POLI: variants seen among roughly 807,000 people sequenced by gnomAD.
POLI encodes RAD30 homolog B.
In POLI, 58 loss-of-function variants were observed where a neutral mutation model predicts 51.6. The ratio of observed to expected loss-of-function variants is 1.12; its 90% CI spans 0.91 to 1.40. The LOEUF (loss-of-function observed/expected upper bound fraction) is 1.40. Among genes scored for constraint, POLI ranks in the 40% most tolerant of loss-of-function variants. The pLI is 0.00. For missense variants in POLI, 921 were observed against 871.3 expected (o/e 1.06, Z -0.72); for synonymous variants, 322 against 299.7 (o/e 1.07, Z -0.77).
chr18:54,308,446 G>A (rs1377953680), intron 3 of POLI, among the ~76,000 whole-genome samples: 2 of 152,316 alleles, frequency 1.3e-5, no homozygotes, highest in Non-Finnish European at 1.5e-5. Context: ...TCTGCCGAGC[G>A]ATCCGCTGTT....
chr18:54,285,414 G>A (rs671120), intron 7 of POLI, among the ~76,000 whole-genome samples: 116,848 of 151,594 alleles, frequency 0.77, 45,866 homozygotes, highest in African/African-American at 0.94. Flanking sequence ...TTAACCATTT[G>A]TCTGTATCTC....
In POLI at chr18:54,295,387, T is replaced by C; in HGVS notation, c.*920T>C. On this transcript the variant is annotated 3_prime_UTR_variant, in exon 10 of 10. Coordinates refer to ENST00000579534, the MANE Select transcript of POLI (RefSeq NM_007195.3). ...TCTCCCATTGTTATTGCCTTCCTCT[T>C]TTGCCTGCTAAACTAAAAATTGGAT... is the stretch of plus-strand genomic sequence containing the variant. The C allele has an allele frequency of 1.0e-6, 1 of 982,742 alleles. No homozygotes were observed. The highest frequency in any genetic ancestry group is 1.2e-6 in the Non-Finnish European group (1 of 827,500). 60.9% of individuals were successfully genotyped at this position (982,742 alleles called of 1,614,324 possible). A position where few individuals can be genotyped will look rare whatever the true frequency, so the allele number is the denominator to read the frequency against.
rs1203391553 is a variant in POLI, at chr18:54,287,154, GT to G, written c.1068-125del. 4.5e-5 allele frequency: 26 copies of G among 572,848 alleles called. No homozygotes were observed. In the Admixed American group the frequency reaches 4.6e-4, roughly 10 times the overall value. The allele number at this position is 572,848 out of a possible 1,614,324, so 35.5% of individuals were successfully genotyped here. A position where few individuals can be genotyped will look rare whatever the true frequency, so the allele number is the denominator to read the frequency against. On this transcript the variant is annotated intron_variant, in intron 7 of 9. Coordinates refer to ENST00000579534, the MANE Select transcript of POLI (RefSeq NM_007195.3). ...AGGGACCTTTATTGCTTACTATTTTGTTATCTGCTATATGTATAATTGTCAT... is the reference window on the plus strand; with the variant it reads ...AGGGACCTTTATTGCTTACTATTTTGTATCTGCTATATGTATAATTGTCAT...
In POLI at chr18:54,280,651, T is replaced by G; in HGVS notation, c.560-16T>G. Reference sequence around the variant, plus strand: ...GTTTTTCTTGTGACTTTGAATGACATTTGTTGTTTTTAAAGCTATAAACCT... The same window carrying G: ...GTTTTTCTTGTGACTTTGAATGACAGTTGTTGTTTTTAAAGCTATAAACCT... On this transcript the variant is annotated splice_polypyrimidine_tract_variant and intron_variant, in intron 4 of 9. Transcript: ENST00000579534. 1.3e-6 allele frequency: 2 copies of G among 1,507,348 alleles called. No individual in the cohort carries two copies. Among genetic ancestry groups the G allele is most frequent in the Non-Finnish European group, 1.8e-6 (2 of 1,086,878 alleles). 93.4% of individuals were successfully genotyped at this position (1,507,348 alleles called of 1,614,324 possible).
chr18:54,306,240 A>T (rs917449729), intron 3 of POLI, among the ~76,000 whole-genome samples: 1 of 152,182 alleles, frequency 6.6e-6, no homozygotes, highest in African/African-American at 2.4e-5. Flanking sequence ...TTATTTTGAG[A>T]TACGTGCCAT....
intron 3 of POLI, among the ~76,000 whole-genome samples, chr18:54,304,225 G>A (rs1339885127): frequency 6.6e-6 from 1 of 152,154 alleles, no homozygotes; most frequent in African/African-American, 2.4e-5. Flanking sequence ...AAACATACAT[G>A]TGCGTGTGTC....
At position 54,297,398 on chromosome 18, in the gene POLI, G is replaced by A. The variant is rs1398375734; in HGVS notation, c.*2931G>A. 3 of 983,412 alleles carry A rather than the reference G, an allele frequency of 3.1e-6. No individual in the cohort carries two copies. In the East Asian group the frequency reaches 3.4e-4, roughly 112 times the overall value. The allele number at this position is 983,412 out of a possible 1,614,324, so 60.9% of individuals were successfully genotyped here. On this transcript the variant is annotated 3_prime_UTR_variant, in exon 10 of 10. Coordinates refer to ENST00000579534, the MANE Select transcript of POLI (RefSeq NM_007195.3). ...TGTAGAGGGGGTTTCTGTCTTGAGT[G>A]TAGGCCTGGAGATTTCCCTTATATG...
At chr18:54,292,826 T>C (rs1247454374) in intron 9 of POLI, among the ~76,000 whole-genome samples, 1 of 152,074 alleles carries the variant, frequency 6.6e-6, no homozygotes, top group Non-Finnish European at 1.5e-5. Flanking sequence ...CTTATTCCAT[T>C]TATTAAATTT....
chr18:54,269,544 G>C lies in POLI; in HGVS notation c.-3G>C. The C allele has an allele frequency of 2.0e-6, 3 of 1,507,692 alleles. No homozygotes were observed. Among genetic ancestry groups the C allele is most frequent in the Non-Finnish European group, 2.6e-6 (3 of 1,132,400 alleles). The allele number at this position is 1,507,692 out of a possible 1,614,324, so 93.4% of individuals were successfully genotyped here. A position where few individuals can be genotyped will look rare whatever the true frequency, so the allele number is the denominator to read the frequency against. On this transcript the variant is annotated 5_prime_UTR_variant, in exon 1 of 10. Transcript: ENST00000579534. ...AAGTAGCGCTGCGGTTGGCAGCGGCGGGATGGAGAAGCTGGGGGTGGAGCC... is the reference window on the plus strand; with the variant it reads ...AAGTAGCGCTGCGGTTGGCAGCGGCCGGATGGAGAAGCTGGGGGTGGAGCC...
At chr18:54,317,726 G>A (rs2088752843) in intron 3 of POLI, among the ~76,000 whole-genome samples, 1 of 152,066 alleles carries the variant, frequency 6.6e-6, no homozygotes, top group Non-Finnish European at 1.5e-5. Flanking sequence ...TTAACCCAGT[G>A]TGGTGGCATA....
In POLI at chr18:54,296,338, T is replaced by TA. The variant is rs1456831098; in HGVS notation, c.*1872dup. ...GAGAATGTACGGGCTATGTCACAGTTACGCTACTTATTTTGTGGTTTTAAG... is the reference window on the plus strand; with the variant it reads ...GAGAATGTACGGGCTATGTCACAGTTAACGCTACTTATTTTGTGGTTTTAAG... On this transcript the variant is annotated 3_prime_UTR_variant, in exon 10 of 10. Coordinates refer to ENST00000579534, the MANE Select transcript of POLI (RefSeq NM_007195.3). The TA allele has an allele frequency of 7.1e-6, 7 of 985,194 alleles. No homozygotes were observed. The highest frequency in any genetic ancestry group is 4.7e-5 in the South Asian group (1 of 21,294). The allele number at this position is 985,194 out of a possible 1,614,324, so 61.0% of individuals were successfully genotyped here.
intron 7 of POLI, among the ~76,000 whole-genome samples, chr18:54,286,147 A>G (rs1877184131): frequency 6.6e-6 from 1 of 152,220 alleles, no homozygotes; most frequent in Non-Finnish European, 1.5e-5. Flanking sequence ...TACAGGTACG[A>G]GGCACCGTGC....
In POLI at chr18:54,298,024, T is replaced by C; in HGVS notation, c.*3557T>C. 2.1e-6 allele frequency: 2 copies of C among 968,848 alleles called. No homozygotes were observed. The highest frequency in any genetic ancestry group is 2.5e-6 in the Non-Finnish European group (2 of 814,822). 60.0% of individuals were successfully genotyped at this position (968,848 alleles called of 1,614,324 possible). On this transcript the variant is annotated 3_prime_UTR_variant, in exon 10 of 10. Transcript: ENST00000579534. ...CTTTGGAGATACGCAGTTTTTATTA[T>C]ATGTCTAGCTATAGATTTATCATGG...
intron 1 of POLI, chr18:54,269,952 C>G: frequency 8.6e-7 from 1 of 1,167,600 alleles, no homozygotes; most frequent in Non-Finnish European, 1.1e-6. Flanking sequence ...AATCCCTCAG[C>G]CAGCCCGACG....
rs1453490542 is a variant in POLI at position 54,295,293 on chromosome 18, T to C, written c.*826T>C. On this transcript the variant is annotated 3_prime_UTR_variant, in exon 10 of 10. Transcript: ENST00000579534. ...GATGTTTTTGTATCTTCCCTACATTTGGAGATGATATTAGGTTGTCATAAC... is the reference window on the plus strand; with the variant it reads ...GATGTTTTTGTATCTTCCCTACATTCGGAGATGATATTAGGTTGTCATAAC... 3.0e-6 allele frequency: 3 copies of C among 984,684 alleles called. No homozygotes were observed. Among genetic ancestry groups the C allele is most frequent in the Non-Finnish European group, 3.6e-6 (3 of 829,336 alleles). 61.0% of individuals were successfully genotyped at this position (984,684 alleles called of 1,614,324 possible).
downstream of POLI, among the ~76,000 whole-genome samples, chr18:54,300,783 C>T (rs1159851597): frequency 2.6e-5 from 4 of 152,100 alleles, no homozygotes; most frequent in African/African-American, 9.7e-5. Flanking sequence ...ACGAGTCTAA[C>T]ATTAATCAAA....
chr18:54,277,648 T>C (rs1320752542), intron 3 of POLI, 55 bp from the exon 4 acceptor site: 14 of 1,163,146 alleles, frequency 1.2e-5, no homozygotes, highest in Non-Finnish European at 1.6e-5. Flanking sequence ...GATAGTTAAA[T>C]TTATCCTAGT....
chr18:54,284,723 G>A (rs1160785239), intron 7 of POLI: 1 of 152,390 alleles, frequency 6.6e-6, no homozygotes, highest in African/African-American at 2.4e-5. Flanking sequence ...TGTGAGTAGG[G>A]TGAGTGACTG....
intron 3 of POLI, among the ~76,000 whole-genome samples, chr18:54,315,854 G>C (rs914453096): frequency 2.6e-5 from 4 of 151,704 alleles, no homozygotes; most frequent in Non-Finnish European, 5.9e-5. Context: ...TCATTAATGT[G>C]AGATGGGTTT....
Sources: allele counts gnomAD v4.1 joint callset (sites outside exome capture counted in the v4.1 genomes callset), GRCh38; gene constraint gnomAD v4.1.1; transcripts MANE v1.5; gene names NCBI Gene and HGNC (gene_info 2026-07-23, HGNC 2026-07-21).